The following PRPF18 variants were observed in gnomAD, a reference collection of about 807,000 sequenced individuals.
The protein encoded by PRPF18 is pre-mRNA processing factor 18, also known as pre-mRNA-splicing factor 18.
PRPF18 carries 38 observed loss-of-function variants against 46.5 expected under a neutral mutation model. The observed-to-expected ratio is 0.82, with a 90% CI of 0.63 to 1.07. The LOEUF is 1.07. Ranked by LOEUF, PRPF18 falls within the 50% of genes least tolerant of loss-of-function variation. The pLI is 0.00. For missense variants in PRPF18, 263 were observed against 410.0 expected (o/e 0.64, Z 3.10); for synonymous variants, 152 against 146.7 (o/e 1.04, Z -0.26).
chr10:13,645,622 C>A, the PRPF18 span: 10,342 of 152,622 alleles, frequency 0.068, 382 homozygotes, highest in African/African-American at 0.09. Context: ...ATGACAGTAA[C>A]TGATGATGTA....
At chr10:13,638,892 G>C in the PRPF18 span, 83,961 of 151,780 alleles carry the variant, frequency 0.55, 23,616 homozygotes, top group East Asian at 0.79. Flanking sequence ...CTGCCTTCCT[G>C]TGGGCCTCAT....
At chr10:13,654,284 T>G in the PRPF18 span, 1 of 713,800 alleles carries the variant, frequency 1.4e-6, no homozygotes, top group Non-Finnish European at 2.5e-6. Context: ...GGGGCTTCTC[T>G]TGAAAGGAAG....
chr10:13,595,957 C>G (rs900035157), intron 1 of PRPF18, among the ~76,000 whole-genome samples: 2 of 152,140 alleles, frequency 1.3e-5, no homozygotes, highest in African/African-American at 4.8e-5. Context: ...TGATCACACC[C>G]AACAAAATTA....
At chr10:13,618,518 G>A (rs918329930) in intron 9 of PRPF18, among the ~76,000 whole-genome samples, 4 of 150,764 alleles carry the variant, frequency 2.7e-5, no homozygotes, top group South Asian at 4.2e-4. Flanking sequence ...CCTAGCTACC[G>A]GAGAGGTTGA....
At position 13,613,951 on chromosome 10, in the gene PRPF18, G is replaced by A. The variant is rs1288868344; in HGVS notation, c.721-64G>A. 44 of 1,563,108 alleles carry A rather than the reference G, an allele frequency of 2.8e-5. No individual in the cohort carries two copies. In the Admixed American group the frequency reaches 8.3e-4, roughly 30 times the overall value. On this transcript the variant is annotated intron_variant, in intron 7 of 9. Coordinates refer to ENST00000378572, the MANE Select transcript of PRPF18 (RefSeq NM_003675.4). ...ACAGTATAAATTTAGAATAAATGCA[G>A]TCTGTTTTTTCCCTATACATCTATA...
At chr10:13,590,114 T>C (rs1242000014) in intron 1 of PRPF18, among the ~76,000 whole-genome samples, 1 of 84,012 alleles carries the variant, frequency 1.2e-5, no homozygotes, top group African/African-American at 3.8e-5. Flanking sequence ...TCTACAAAAA[T>C]GATCATTAAA....
intron 1 of PRPF18, chr10:13,592,053 G>T: frequency 1.7e-6 from 1 of 578,838 alleles, no homozygotes; most frequent in East Asian, 4.4e-5. Flanking sequence ...AACTGGTTTT[G>T]TAACAGTTGC....
At chr10:13,600,421 T>G (rs1235182686) in intron 3 of PRPF18, 73 bp downstream of exon 3, 5 of 1,163,100 alleles carry the variant, frequency 4.3e-6, no homozygotes, top group Non-Finnish European at 6.1e-6. Context: ...GCTTTTCCAA[T>G]AAGTTAAACG....
intron 4 of PRPF18, among the ~76,000 whole-genome samples, chr10:13,607,297 G>A (rs985068881): frequency 2.0e-5 from 3 of 151,718 alleles, no homozygotes; most frequent in Non-Finnish European, 4.4e-5. Flanking sequence ...GGAATTCTTT[G>A]TATATTCTGG....
intron 9 of PRPF18, among the ~76,000 whole-genome samples, chr10:13,625,950 T>C (rs1368637380): frequency 3.3e-5 from 5 of 152,236 alleles, no homozygotes; most frequent in Non-Finnish European, 7.3e-5. Context: ...AGCTGACACT[T>C]AAGTAGTGCT....
At chr10:13,647,647 C>CTTTA in the PRPF18 span, 1 of 150,934 alleles carries the variant, frequency 6.6e-6, no homozygotes, top group Non-Finnish European at 1.5e-5. Context: ...GATGACTTTG[C>CTTTA]TTTATTCTAA....
chr10:13,638,690 G>C, the PRPF18 span: 84,144 of 151,946 alleles, frequency 0.55, 23,723 homozygotes, highest in East Asian at 0.79. Context: ...CCATCTTTTT[G>C]ATCTATTCAG....
At chr10:13,591,690 A>G in intron 1 of PRPF18, 1 of 676,348 alleles carries the variant, frequency 1.5e-6, no homozygotes, top group Admixed American at 2.5e-5. Flanking sequence ...CATCAGTGGG[A>G]TGTTTTGGGA....
At chr10:13,628,647 A>G (rs989547286) in intron 9 of PRPF18, among the ~76,000 whole-genome samples, 1 of 152,074 alleles carries the variant, frequency 6.6e-6, no homozygotes, top group African/African-American at 2.4e-5. Context: ...TGTGATTAAT[A>G]TTTGTGTTGT....
the PRPF18 span, among the ~76,000 whole-genome samples, chr10:13,650,005 C>G: frequency 6.6e-6 from 1 of 152,264 alleles, no homozygotes. Flanking sequence ...GTGGTGACTT[C>G]AGAATCTGTG....
the PRPF18 span, chr10:13,643,858 A>C: frequency 6.5e-6 from 1 of 152,760 alleles, no homozygotes. Flanking sequence ...CATCTTTTTC[A>C]TTGATTACAG....
the PRPF18 span, chr10:13,652,249 T>C: frequency 1.0e-5 from 5 of 486,592 alleles, no homozygotes; most frequent in Non-Finnish European, 7.4e-6. Flanking sequence ...AGAACCAAAA[T>C]TGCTGTTTTT....
downstream of PRPF18, chr10:13,631,499 T>C (rs529503366): frequency 6.6e-6 from 1 of 152,364 alleles, no homozygotes; most frequent in East Asian, 1.9e-4. Context: ...TTGGTAATAA[T>C]AGTCCATGCT....
chr10:13,614,177 A>G (rs892702629), intron 8 of PRPF18, 91 bp downstream of exon 8: 37 of 995,552 alleles, frequency 3.7e-5, no homozygotes, highest in East Asian at 1.0e-4. Context: ...AGGATTTTAC[A>G]TAGTAGATTT....
Sources: gnomAD v4.1 joint callset for allele counts (sites outside exome capture counted in the v4.1 genomes callset) on GRCh38, gnomAD v4.1.1 for gene constraint, MANE v1.5 for transcripts, NCBI Gene and HGNC (gene_info 2026-07-23, HGNC 2026-07-21) for gene names.